Variants in EEF2K observed in about 807,000 individuals in gnomAD.
EEF2K encodes the protein eukaryotic elongation factor 2 kinase, also known as alternative protein EEF2K.
Under a neutral mutation model 93.8 loss-of-function variants are expected in EEF2K, and 70 were observed. The ratio of observed to expected loss-of-function variants is 0.75; its 90% CI spans 0.62 to 0.91. EEF2K has a LOEUF of 0.91. EEF2K is among the 40% of genes least tolerant of loss of function. The pLI, the probability that EEF2K is intolerant of heterozygous loss-of-function variation, is 0.00. For missense variants in EEF2K, 935 were observed against 972.9 expected, an observed-to-expected ratio of 0.96 and a Z score of 0.52; for synonymous variants, 376 against 380.8, an observed-to-expected ratio of 0.99 and a Z score of 0.15.
At chr16:22,231,971 C>T (rs949088234) in intron 2 of EEF2K, among the ~76,000 whole-genome samples, 8 of 128,970 alleles carry the variant, frequency 6.2e-5, no homozygotes, top group Admixed American at 2.0e-4. Flanking sequence ...GCCTGGGCAA[C>T]GAGAGCGAAA....
intron 2 of EEF2K, among the ~76,000 whole-genome samples, chr16:22,231,946 CG>C (rs1271979829): frequency 4.7e-5 from 7 of 149,216 alleles, no homozygotes; most frequent in African/African-American, 1.7e-4. Flanking sequence ...GCCAAGATCG[CG>C]CCATTGCACT....
chr16:22,269,811 C>G (rs1413704764), intron 15 of EEF2K, among the ~76,000 whole-genome samples: 1 of 152,112 alleles, frequency 6.6e-6, no homozygotes, highest in Non-Finnish European at 1.5e-5. Context: ...TTTCCATATA[C>G]AAATATGAAA....
At chr16:22,223,663 TGA>T (rs1258106568) in intron 1 of EEF2K, among the ~76,000 whole-genome samples, 2 of 152,170 alleles carry the variant, frequency 1.3e-5, no homozygotes, top group Non-Finnish European at 2.9e-5. Flanking sequence ...ACTGTAAAAC[TGA>T]GAGTGAATTA....
chr16:22,229,390 G>T (rs1482143410), intron 2 of EEF2K, among the ~76,000 whole-genome samples: 38 of 152,182 alleles, frequency 2.5e-4, no homozygotes, highest in Admixed American at 2.5e-3. Context: ...GTAGGGATTT[G>T]TGTTCATACC....
At chr16:22,235,984 G>T (rs1436200095) in intron 2 of EEF2K, among the ~76,000 whole-genome samples, 11 of 149,896 alleles carry the variant, frequency 7.3e-5, no homozygotes, top group South Asian at 4.2e-4. Flanking sequence ...TTTTTTTTTT[G>T]TAGAAATGGG....
At position 22,225,729 on chromosome 16, in the gene EEF2K, C is replaced by G. The variant is rs1319351352; in HGVS notation, c.-1C>G. 1 of 1,613,840 alleles carries G rather than the reference C, an allele frequency of 6.2e-7. No homozygotes were observed. The highest frequency in any genetic ancestry group is 1.3e-5 in the African/African-American group (1 of 74,934). On this transcript the variant is annotated 5_prime_UTR_variant, in exon 2 of 18. Coordinates refer to ENST00000263026, the MANE Select transcript of EEF2K (RefSeq NM_013302.5). The stretch of plus-strand genomic sequence containing the variant: ...TTGGGTAAAACGGGCACCCCAGGAA[C>G]ATGGCAGACGAAGATCTCATCTTCC...
In EEF2K at chr16:22,248,829, T is replaced by C; in HGVS notation, c.408+14T>C. 6.2e-7 allele frequency: 1 copy of C among 1,613,798 alleles called. No individual in the cohort carries two copies. The highest frequency in any genetic ancestry group is 8.5e-7 in the Non-Finnish European group (1 of 1,179,794). ...ATGGCATCTCAGGTGAGCAGAGCGT[T>C]GAGCCCCGTGGGGACAGGGCTGAGC... is the stretch of plus-strand genomic sequence containing the variant. On this transcript the variant is annotated intron_variant, in intron 4 of 17. Transcript: ENST00000263026.
chr16:22,234,676 G>T (rs1366398942), intron 2 of EEF2K, among the ~76,000 whole-genome samples: 2 of 151,748 alleles, frequency 1.3e-5, no homozygotes, highest in East Asian at 3.9e-4. Flanking sequence ...ACCACTTTTA[G>T]AACATTTTAC....
At chr16:22,247,842 A>G (rs1168544308) in intron 3 of EEF2K, among the ~76,000 whole-genome samples, 1 of 152,056 alleles carries the variant, frequency 6.6e-6, no homozygotes, top group Non-Finnish European at 1.5e-5. Context: ...TCTCCTGTCT[A>G]GACTCAGAGA....
At chr16:22,229,189 C>T (rs964600415) in intron 2 of EEF2K, among the ~76,000 whole-genome samples, 1 of 152,054 alleles carries the variant, frequency 6.6e-6, no homozygotes, top group African/African-American at 2.4e-5. Context: ...GTTTCCGTCT[C>T]AAGTGTCTTC....
rs761596131 is a variant in EEF2K at position 22,256,730 on chromosome 16, C to G, written c.619-18C>G. The G allele has an allele frequency of 2.5e-6, 4 of 1,612,282 alleles. No individual in the cohort carries two copies. Among genetic ancestry groups the G allele is most frequent in the Non-Finnish European group, 3.4e-6 (4 of 1,179,258 alleles). ...GCGCCTGGGCCCTCCCGCCTGAGCC[C>G]ACTCCCCATCCCACCAGGTGGACAT... is the stretch of plus-strand genomic sequence containing the variant. On this transcript the variant is annotated intron_variant, in intron 6 of 17. Coordinates refer to ENST00000263026, the MANE Select transcript of EEF2K (RefSeq NM_013302.5).
chr16:22,275,857 A>G (rs1234322056), intron 16 of EEF2K, among the ~76,000 whole-genome samples: 1 of 151,218 alleles, frequency 6.6e-6, no homozygotes, highest in Non-Finnish European at 1.5e-5. Flanking sequence ...GCCAGGCTTG[A>G]CTTGAACTCC....
chr16:22,243,936 A>AG (rs2047253650), intron 2 of EEF2K, among the ~76,000 whole-genome samples: 1 of 145,724 alleles, frequency 6.9e-6, no homozygotes, highest in Non-Finnish European at 1.5e-5. Flanking sequence ...AAAAAAAAAA[A>AG]AAAAAAAGAG....
intron 1 of EEF2K, among the ~76,000 whole-genome samples, chr16:22,223,288 T>G (rs1179062793): frequency 6.7e-6 from 1 of 149,140 alleles, no homozygotes; most frequent in Non-Finnish European, 1.5e-5. Flanking sequence ...TTTGGTTTTG[T>G]TTTGTTTTTA....
intron 1 of EEF2K, among the ~76,000 whole-genome samples, chr16:22,215,817 C>G (rs939150795): frequency 6.6e-6 from 1 of 152,192 alleles, no homozygotes; most frequent in Admixed American, 6.5e-5. Context: ...CCCAGCTACT[C>G]GGGAGGCCGA....
chr16:22,210,197 G>A (rs542162320), intron 1 of EEF2K, among the ~76,000 whole-genome samples: 2 of 152,266 alleles, frequency 1.3e-5, no homozygotes, highest in African/African-American at 4.8e-5. Context: ...AGGGCTGTGG[G>A]ACTCCTAGAG....
At chr16:22,243,204 T>C (rs1322962183) in intron 2 of EEF2K, among the ~76,000 whole-genome samples, 1 of 151,948 alleles carries the variant, frequency 6.6e-6, no homozygotes, top group East Asian at 1.9e-4. Flanking sequence ...AAAGAGGTCA[T>C]TGGGTCTGGT....
At chr16:22,263,265 C>G in intron 12 of EEF2K, 78 bp downstream of exon 12, 6 of 1,347,390 alleles carry the variant, frequency 4.5e-6, no homozygotes, top group Non-Finnish European at 6.1e-6. Flanking sequence ...ACTCCCCTTC[C>G]TGGAGGGGGA....
chr16:22,214,965 G>A (rs1480026368), intron 1 of EEF2K, among the ~76,000 whole-genome samples: 1 of 152,224 alleles, frequency 6.6e-6, no homozygotes, highest in Admixed American at 6.5e-5. Flanking sequence ...ATTGCCTGGG[G>A]TTTAAAAACC....
Sources: gnomAD v4.1 joint callset for allele counts (sites outside exome capture counted in the v4.1 genomes callset) on GRCh38, gnomAD v4.1.1 for gene constraint, MANE v1.5 for transcripts, NCBI Gene and HGNC (gene_info 2026-07-23, HGNC 2026-07-21) for gene names.